Variants in RXFP1 observed in about 807,000 individuals in gnomAD.
The protein encoded by RXFP1 is relaxin receptor 1.
Under a neutral mutation model 89.8 loss-of-function variants are expected in RXFP1, and 73 were observed. That is an observed-to-expected ratio of 0.81 (90% CI 0.67 to 0.99). The LOEUF (loss-of-function observed/expected upper bound fraction) is 0.99. Ranked by LOEUF, RXFP1 falls within the 50% of genes least tolerant of loss-of-function variation. The pLI is 0.00. For missense variants in RXFP1, 793 were observed against 895.5 expected (o/e 0.89, Z 1.46); for synonymous variants, 277 against 305.5 (o/e 0.91, Z 0.97).
intron 2 of RXFP1, 93 bp from the exon 3 acceptor site, chr4:158,593,308 A>G (rs1314841935): frequency 4.7e-6 from 3 of 638,790 alleles, no homozygotes; most frequent in Non-Finnish European, 8.0e-6. Flanking sequence ...TGGAGAAACC[A>G]CTGGACTGTT....
intron 1 of RXFP1, chr4:158,544,004 G>C: frequency 2.0e-6 from 2 of 985,294 alleles, no homozygotes; most frequent in Non-Finnish European, 2.4e-6. Flanking sequence ...CCCCTACCTT[G>C]GGCATTTAAA....
intron 1 of RXFP1, among the ~76,000 whole-genome samples, chr4:158,547,176 G>A (rs1201508151): frequency 2.0e-5 from 3 of 151,378 alleles, no homozygotes; most frequent in African/African-American, 7.3e-5. Flanking sequence ...GTTTAGTCTT[G>A]GGGGGGTGTA....
At chr4:158,590,153 G>A (rs1579870379) in intron 2 of RXFP1, among the ~76,000 whole-genome samples, 1 of 152,156 alleles carries the variant, frequency 6.6e-6, no homozygotes, top group East Asian at 1.9e-4. Flanking sequence ...GGATACATCA[G>A]TCCTAAGCTA....
chr4:158,544,629 G>A (rs1473618711), intron 1 of RXFP1, among the ~76,000 whole-genome samples: 6 of 151,596 alleles, frequency 4.0e-5, no homozygotes, highest in Non-Finnish European at 2.9e-5. Flanking sequence ...CCTGGAGTGT[G>A]ATGTTCCCCT....
intron 5 of RXFP1, among the ~76,000 whole-genome samples, chr4:158,606,391 G>C (rs902898331): frequency 1.3e-5 from 2 of 152,088 alleles, no homozygotes; most frequent in African/African-American, 4.8e-5. Flanking sequence ...ATAACAAAAT[G>C]ATCAAAATAG....
intron 5 of RXFP1, among the ~76,000 whole-genome samples, chr4:158,607,288 C>T (rs1354763762): frequency 6.6e-6 from 1 of 152,052 alleles, no homozygotes. Context: ...CTTGACATTC[C>T]AATCTAATTT....
chr4:158,560,670 G>A (rs1157359320), intron 1 of RXFP1, among the ~76,000 whole-genome samples: 3 of 152,160 alleles, frequency 2.0e-5, no homozygotes, highest in East Asian at 3.9e-4. Context: ...GGTTTCCTTG[G>A]TCTTGCCAGC....
At chr4:158,616,760 A>G (rs567821173) in intron 8 of RXFP1, among the ~76,000 whole-genome samples, 1 of 151,600 alleles carries the variant, frequency 6.6e-6, no homozygotes, top group Non-Finnish European at 1.5e-5. Context: ...GCACTTTGGG[A>G]GTCCGAGGTG....
At chr4:158,595,565 T>G (rs943450621) in intron 3 of RXFP1, among the ~76,000 whole-genome samples, 1 of 152,204 alleles carries the variant, frequency 6.6e-6, no homozygotes, top group African/African-American at 2.4e-5. Context: ...CTGTTGCAAA[T>G]ATAAAGTTTT....
intron 16 of RXFP1, among the ~76,000 whole-genome samples, chr4:158,648,189 T>A (rs1771943400): frequency 6.6e-6 from 1 of 152,062 alleles, no homozygotes; most frequent in African/African-American, 2.4e-5. Context: ...AAATTAAAAA[T>A]AAAACATCAC....
chr4:158,565,385 A>G (rs1753345244), intron 1 of RXFP1, among the ~76,000 whole-genome samples: 1 of 152,204 alleles, frequency 6.6e-6, no homozygotes. Flanking sequence ...TATATTTCCT[A>G]GTCTGTCCAC....
At chr4:158,601,739 T>G (rs1267617896) in intron 4 of RXFP1, among the ~76,000 whole-genome samples, 1 of 152,236 alleles carries the variant, frequency 6.6e-6, no homozygotes, top group Non-Finnish European at 1.5e-5. Flanking sequence ...AGAAGAGGAC[T>G]GAACCATATG....
intron 2 of RXFP1, 106 bp downstream of exon 2, chr4:158,572,941 A>G: frequency 2.1e-6 from 3 of 1,461,150 alleles, no homozygotes; most frequent in Non-Finnish European, 2.8e-6. Context: ...ATTGAAATAC[A>G]AAACATATGT....
intron 12 of RXFP1, among the ~76,000 whole-genome samples, chr4:158,637,235 T>C (rs1362457387): frequency 6.6e-6 from 1 of 152,212 alleles, no homozygotes; most frequent in East Asian, 1.9e-4. Context: ...AATATACTGA[T>C]TTTATTTCCT....
chr4:158,591,328 A>G (rs1366266604), intron 2 of RXFP1, among the ~76,000 whole-genome samples: 1 of 152,160 alleles, frequency 6.6e-6, no homozygotes, highest in African/African-American at 2.4e-5. Flanking sequence ...TCTGCCTAAC[A>G]TATCAACTGA....
At position 158,545,457 on chromosome 4, in the gene RXFP1, T is replaced by G. The variant is rs1217458432; in HGVS notation, c.49+23432T>G. Among the ~76,000 whole-genome samples, 11 of 152,122 alleles carry G rather than the reference T, an allele frequency of 7.2e-5. No homozygotes were observed. In the East Asian group the frequency reaches 1.3e-3, roughly 19 times the overall value. ...GTGCAGAAGCTCTTTAGTTTAATTA[T>G]ATCCTGTTTGTCAATTTTGTCTTTT... On this transcript the variant is annotated intron_variant, in intron 1 of 17. Coordinates refer to ENST00000307765, the MANE Select transcript of RXFP1 (RefSeq NM_021634.4).
At chr4:158,579,025 T>G (rs776028570) in intron 2 of RXFP1, among the ~76,000 whole-genome samples, 2 of 147,224 alleles carry the variant, frequency 1.4e-5, no homozygotes, top group Non-Finnish European at 3.0e-5. Flanking sequence ...CTAGATCCAA[T>G]GACAGTGTCC....
At chr4:158,588,960 G>A (rs1369958584) in intron 2 of RXFP1, among the ~76,000 whole-genome samples, 2 of 152,186 alleles carry the variant, frequency 1.3e-5, no homozygotes, top group East Asian at 1.9e-4. Flanking sequence ...GTATTAGTCC[G>A]CTCTCACGCT....
intron 1 of RXFP1, among the ~76,000 whole-genome samples, chr4:158,547,654 T>C (rs1328793980): frequency 1.3e-5 from 2 of 152,194 alleles, no homozygotes; most frequent in Non-Finnish European, 2.9e-5. Flanking sequence ...GTTGTGTCTT[T>C]GTTCTCGTTG....
Sources: gnomAD v4.1 joint callset for allele counts (sites outside exome capture counted in the v4.1 genomes callset) on GRCh38, gnomAD v4.1.1 for gene constraint, MANE v1.5 for transcripts, NCBI Gene and HGNC (gene_info 2026-07-23, HGNC 2026-07-21) for gene names.